The following NGF variants were observed in gnomAD, a reference collection of about 807,000 sequenced individuals.
The protein encoded by NGF is nerve growth factor.
In NGF, 4 loss-of-function variants were observed where a neutral mutation model predicts 12.8. The ratio of observed to expected loss-of-function variants is 0.31; its 90% CI spans 0.15 to 0.72. The LOEUF is 0.72. NGF is among the 30% of genes least tolerant of loss of function. NGF has a pLI of 0.69. For missense variants in NGF, 283 were observed against 330.8 expected (o/e 0.86, Z 1.12); for synonymous variants, 140 against 130.0 (o/e 1.08, Z -0.52).
At chr1:115,332,545 C>T (rs890527450) in intron 1 of NGF, among the ~76,000 whole-genome samples, 13 of 152,170 alleles carry the variant, frequency 8.5e-5, no homozygotes, top group African/African-American at 3.1e-4. Context: ...AGTGGGGGCT[C>T]CCCTCAGATC....
intron 1 of NGF, among the ~76,000 whole-genome samples, chr1:115,337,049 T>C (rs1221987174): frequency 2.0e-5 from 3 of 152,148 alleles, no homozygotes; most frequent in African/African-American, 7.2e-5. Flanking sequence ...TTTTCCTTAA[T>C]ACCCACAGCA....
intron 1 of NGF, among the ~76,000 whole-genome samples, chr1:115,306,185 A>G (rs1353660242): frequency 1.3e-5 from 2 of 152,246 alleles, no homozygotes; most frequent in Non-Finnish European, 2.9e-5. Context: ...AAAACAAGAA[A>G]TTACCAAGCA....
In NGF at chr1:115,319,487, C is replaced by T. The variant is rs942849733; in HGVS notation, c.-137+18717G>A. ...AAAGACACTGCTACTGCAAAACCCT[C>T]GCCTCTGGGATGGCTGCTCATCCTT... On this transcript the variant is annotated intron_variant, in intron 1 of 2. Transcript: ENST00000369512. Among the ~76,000 whole-genome samples, 20 of 152,192 alleles carry T rather than the reference C, an allele frequency of 1.3e-4. 1 individual carries two copies. Among genetic ancestry groups the T allele is most frequent in the Admixed American group, 5.9e-4 (9 of 15,278 alleles).
At chr1:115,318,430 G>C (rs982636638) in intron 1 of NGF, among the ~76,000 whole-genome samples, 2 of 152,152 alleles carry the variant, frequency 1.3e-5, no homozygotes, top group Non-Finnish European at 2.9e-5. Context: ...ATAACCCCAG[G>C]CTCCAAGGCA....
chr1:115,320,904 G>A (rs377122574), intron 1 of NGF, among the ~76,000 whole-genome samples: 5 of 152,322 alleles, frequency 3.3e-5, no homozygotes, highest in South Asian at 2.1e-4. Context: ...CTCACTGGGA[G>A]TGGAGTTGGG....
intron 1 of NGF, among the ~76,000 whole-genome samples, chr1:115,295,975 T>C (rs1025472101): frequency 6.6e-6 from 1 of 152,220 alleles, no homozygotes; most frequent in Non-Finnish European, 1.5e-5. Context: ...GGCATGCATA[T>C]AAATAAACAT....
chr1:115,292,632 G>A (rs10858071), intron 2 of NGF, among the ~76,000 whole-genome samples: 2,121 of 152,262 alleles, frequency 0.014, 27 homozygotes, highest in Middle Eastern at 0.027. Context: ...CCTGACTTGA[G>A]CTCAGCTTTG....
Position 115,337,267 on chromosome 1 carries a change from G to GTTTGTTTTTTTTTTT in NGF, c.-137+936_-137+937insAAAAAAAAAAACAAA. Among the ~76,000 whole-genome samples, 222 of 81,018 alleles carry GTTTGTTTTTTTTTTT rather than the reference G, an allele frequency of 2.7e-3. 14 individuals carry two copies. The highest frequency in any genetic ancestry group is 4.8e-3 in the South Asian group (12 of 2,496). 53.2% of individuals were successfully genotyped at this position (81,018 alleles called of 152,430 possible). On this transcript the variant is annotated intron_variant, in intron 1 of 2. Coordinates refer to ENST00000369512, the MANE Select transcript of NGF (RefSeq NM_002506.3). ...TCGAAATTTTTTTTGTTTTGTTTTTGTTTTTTTTTTTTTTTTTTTTTTTTT... is the reference window on the plus strand; with the variant it reads ...TCGAAATTTTTTTTGTTTTGTTTTTGTTTGTTTTTTTTTTTTTTTTTTTTTTTTTTTTTTTTTTTT...
At chr1:115,319,662 C>T (rs780255110) in intron 1 of NGF, among the ~76,000 whole-genome samples, 1 of 152,212 alleles carries the variant, frequency 6.6e-6, no homozygotes, top group African/African-American at 2.4e-5. Flanking sequence ...ACTCTGACCC[C>T]TACTCACCTG....
At chr1:115,329,167 C>T (rs575951147) in intron 1 of NGF, among the ~76,000 whole-genome samples, 6 of 151,832 alleles carry the variant, frequency 4.0e-5, no homozygotes, top group Non-Finnish European at 8.8e-5. Flanking sequence ...GAGGAATGGG[C>T]AAGGGGAAGG....
intron 2 of NGF, among the ~76,000 whole-genome samples, chr1:115,289,807 C>T (rs1372737014): frequency 2.6e-5 from 4 of 152,258 alleles, no homozygotes; most frequent in East Asian, 3.9e-4. Context: ...ATCATTCATT[C>T]ATCCACTAGC....
intron 2 of NGF, among the ~76,000 whole-genome samples, chr1:115,288,468 G>A (rs569359672): frequency 6.6e-6 from 1 of 152,230 alleles, no homozygotes; most frequent in Non-Finnish European, 1.5e-5. Context: ...GTCTCCTTGT[G>A]GTCAAGGACT....
chr1:115,337,292 T>TG (rs1655152551), intron 1 of NGF, among the ~76,000 whole-genome samples: 1 of 134,158 alleles, frequency 7.5e-6, no homozygotes. Context: ...TTTTTTTTTT[T>TG]TTTTTTTTTT....
At chr1:115,295,478 G>A (rs60673562) in intron 1 of NGF, among the ~76,000 whole-genome samples, 4,174 of 152,184 alleles carry the variant, frequency 0.027, 197 homozygotes, top group African/African-American at 0.095. Context: ...GGAGAATGGC[G>A]TGTCCCCAGG....
intron 1 of NGF, among the ~76,000 whole-genome samples, chr1:115,330,184 C>G (rs903051900): frequency 1.8e-4 from 27 of 152,282 alleles, no homozygotes; most frequent in African/African-American, 6.0e-4. Context: ...ATTGTGTACT[C>G]TGGACCATCC....
chr1:115,337,660 C>T (rs942434719), intron 1 of NGF, among the ~76,000 whole-genome samples: 2 of 152,166 alleles, frequency 1.3e-5, no homozygotes, highest in Non-Finnish European at 2.9e-5. Flanking sequence ...CCGAGACGCG[C>T]TGAGGGAACT....
At chr1:115,317,348 C>A (rs1017108710) in intron 1 of NGF, among the ~76,000 whole-genome samples, 6 of 152,192 alleles carry the variant, frequency 3.9e-5, no homozygotes, top group Non-Finnish European at 8.8e-5. Context: ...TCTGCAGAAG[C>A]CCACGGTCTA....
chr1:115,304,561 G>C (rs1329395350), intron 1 of NGF, among the ~76,000 whole-genome samples: 3 of 151,848 alleles, frequency 2.0e-5, no homozygotes, highest in African/African-American at 4.8e-5. Context: ...ATCTATTAAA[G>C]GTAGGTGCAC....
chr1:115,290,684 G>T (rs186389695), intron 2 of NGF, among the ~76,000 whole-genome samples: 1 of 152,174 alleles, frequency 6.6e-6, no homozygotes, highest in Non-Finnish European at 1.5e-5. Flanking sequence ...AAGCCACCAC[G>T]CCCTGCCCCT....
Sources: allele counts gnomAD v4.1 joint callset (sites outside exome capture counted in the v4.1 genomes callset), GRCh38; gene constraint gnomAD v4.1.1; transcripts MANE v1.5; gene names NCBI Gene and HGNC (gene_info 2026-07-23, HGNC 2026-07-21).